The following PRKCQ variants were observed in gnomAD, a reference collection of about 807,000 sequenced individuals.
PRKCQ encodes protein kinase C theta, also known as protein kinase C theta type.
Under a neutral mutation model 91.2 loss-of-function variants are expected in PRKCQ, and 41 were observed. The observed-to-expected ratio is 0.45, with a 90% confidence interval of 0.35 to 0.58. The LOEUF (loss-of-function observed/expected upper bound fraction) is 0.58, where lower values mean the gene tolerates loss of function less well. PRKCQ is among the 20% of genes least tolerant of loss of function. The pLI is 0.00. For missense variants in PRKCQ, 673 were observed against 896.5 expected, an observed-to-expected ratio of 0.75 and a Z score of 3.18; for synonymous variants, 307 against 316.9, an observed-to-expected ratio of 0.97 and a Z score of 0.33.
intron 1 of PRKCQ, among the ~76,000 whole-genome samples, chr10:6,541,537 G>C (rs1839774981): frequency 6.6e-6 from 1 of 152,122 alleles, no homozygotes; most frequent in East Asian, 1.9e-4. Context: ...GTTTCTAATA[G>C]GAGTGTTATG....
chr10:6,578,392 T>A (rs1269418466), intron 1 of PRKCQ, among the ~76,000 whole-genome samples: 1 of 151,858 alleles, frequency 6.6e-6, no homozygotes, highest in Admixed American at 6.6e-5. Flanking sequence ...GTGACAAGAG[T>A]CTTGCCTGGA....
intron 8 of PRKCQ, 87 bp from the exon 9 acceptor site, chr10:6,486,231 C>T (rs529648569): frequency 6.2e-5 from 70 of 1,125,884 alleles, no homozygotes; most frequent in East Asian, 5.2e-4. Context: ...CAGAGCCTTG[C>T]GGATAGGGAG....
chr10:6,551,895 T>C (rs759288327), intron 1 of PRKCQ, among the ~76,000 whole-genome samples: 1 of 152,250 alleles, frequency 6.6e-6, no homozygotes, highest in South Asian at 2.1e-4. Flanking sequence ...GGAATCACCA[T>C]ACTGCTTTCC....
intron 1 of PRKCQ, among the ~76,000 whole-genome samples, chr10:6,533,875 T>G (rs886556666): frequency 6.6e-6 from 1 of 152,152 alleles, no homozygotes; most frequent in Non-Finnish European, 1.5e-5. Flanking sequence ...ATTGAAGATA[T>G]TCATCCAGAA....
chr10:6,529,650 T>G (rs1839321033), intron 1 of PRKCQ, among the ~76,000 whole-genome samples: 1 of 152,150 alleles, frequency 6.6e-6, no homozygotes, highest in South Asian at 2.1e-4. Context: ...AGCTTGCAGT[T>G]TGTAAATGTT....
chr10:6,434,842 T>A (rs1440902730), intron 16 of PRKCQ, among the ~76,000 whole-genome samples: 1 of 152,240 alleles, frequency 6.6e-6, no homozygotes, highest in African/African-American at 2.4e-5. Flanking sequence ...TTATGTTCTA[T>A]ATCATTAGTT....
At chr10:6,557,778 T>G (rs1840476899) in intron 1 of PRKCQ, among the ~76,000 whole-genome samples, 1 of 152,196 alleles carries the variant, frequency 6.6e-6, no homozygotes, top group Non-Finnish European at 1.5e-5. Context: ...CTTTTTCCAG[T>G]GTCTGTACCT....
chr10:6,468,772 A>C (rs1293649372), intron 12 of PRKCQ, among the ~76,000 whole-genome samples: 1 of 152,216 alleles, frequency 6.6e-6, no homozygotes, highest in Non-Finnish European at 1.5e-5. Context: ...TTACCATCAC[A>C]CCTTTCAAAG....
chr10:6,557,388 C>T (rs755993972), intron 1 of PRKCQ, among the ~76,000 whole-genome samples: 1 of 152,186 alleles, frequency 6.6e-6, no homozygotes, highest in Non-Finnish European at 1.5e-5. Flanking sequence ...TAACTCTGTA[C>T]TATCAATTGT....
intron 8 of PRKCQ, chr10:6,489,355 A>G (rs1178007538): frequency 2.0e-6 from 1 of 501,690 alleles, no homozygotes; most frequent in Non-Finnish European, 4.1e-6. Flanking sequence ...AAGAAAGGCC[A>G]CCACCATCTC....
At chr10:6,411,558 G>T in the PRKCQ span, among the ~76,000 whole-genome samples, 4 of 152,318 alleles carry the variant, frequency 2.6e-5, no homozygotes, top group African/African-American at 9.6e-5. Flanking sequence ...TTTGTCTGGA[G>T]ATTGGCAAAT....
chr10:6,472,653 C>T (rs1020488420), intron 12 of PRKCQ, among the ~76,000 whole-genome samples: 24 of 152,152 alleles, frequency 1.6e-4, no homozygotes, highest in Non-Finnish European at 3.4e-4. Context: ...TTCTCTTGTT[C>T]TGTACAATGA....
At chr10:6,571,719 G>T (rs539868454) in intron 1 of PRKCQ, among the ~76,000 whole-genome samples, 1 of 152,228 alleles carries the variant, frequency 6.6e-6, no homozygotes, top group East Asian at 1.9e-4. Flanking sequence ...CACAATAATT[G>T]CTTGAGCCTG....
At chr10:6,550,784 C>T (rs1018550026) in intron 1 of PRKCQ, among the ~76,000 whole-genome samples, 4 of 152,140 alleles carry the variant, frequency 2.6e-5, no homozygotes, top group African/African-American at 4.8e-5. Context: ...GAGGAACCAC[C>T]GTACTGATTC....
chr10:6,395,168 A>C, the PRKCQ span, among the ~76,000 whole-genome samples: 1 of 145,544 alleles, frequency 6.9e-6, no homozygotes, highest in Non-Finnish European at 1.5e-5. Flanking sequence ...GGTTCACGCC[A>C]TTCTCCCGCT....
chr10:6,437,011 C>T (rs989010482), intron 16 of PRKCQ, among the ~76,000 whole-genome samples: 1 of 152,122 alleles, frequency 6.6e-6, no homozygotes, highest in Admixed American at 6.5e-5. Context: ...GGGATTGTGA[C>T]TCTCCCTCCA....
intron 17 of PRKCQ, among the ~76,000 whole-genome samples, chr10:6,429,093 C>T (rs181388839): frequency 1.3e-5 from 2 of 152,284 alleles, no homozygotes; most frequent in Middle Eastern, 3.4e-3. Flanking sequence ...CACAGAGAAG[C>T]GAAATGAAGA....
At position 6,521,376 on chromosome 10, in the gene PRKCQ, C is replaced by T. The variant is rs1186392442; in HGVS notation, c.-9-6232G>A. On this transcript the variant is annotated intron_variant, in intron 1 of 17. Transcript: ENST00000263125. The stretch of plus-strand genomic sequence containing the variant: ...CAGAGGGAGTCAAGAGCAAAGGATT[C>T]AGCCCAGCACTTGTTGTAAACAAAA... 3.2e-4 allele frequency among the ~76,000 whole-genome samples: 48 copies of T among 152,170 alleles called. 1 individual carries two copies. The highest frequency in any genetic ancestry group is 3.1e-3 in the Admixed American group (48 of 15,286).
chr10:6,459,381 CTA>C (rs1218344090), intron 14 of PRKCQ, among the ~76,000 whole-genome samples: 1 of 152,080 alleles, frequency 6.6e-6, no homozygotes, highest in African/African-American at 2.4e-5. Flanking sequence ...TGGGACTTCT[CTA>C]TGTTTAGTAC....
Sources: gnomAD v4.1 joint callset for allele counts (sites outside exome capture counted in the v4.1 genomes callset) on GRCh38, gnomAD v4.1.1 for gene constraint, MANE v1.5 for transcripts, NCBI Gene and HGNC (gene_info 2026-07-23, HGNC 2026-07-21) for gene names.